The following EDN1 variants were observed in gnomAD, a reference collection of about 807,000 sequenced individuals.
The protein encoded by EDN1 is endothelin-1.
EDN1 carries 11 observed loss-of-function variants against 21.7 expected under a neutral mutation model. That is an observed-to-expected ratio of 0.51 (90% CI 0.32 to 0.84). The LOEUF (loss-of-function observed/expected upper bound fraction) is 0.84. Among genes scored for constraint, EDN1 ranks in the 40% least tolerant of loss-of-function variants. The pLI is 0.03. For missense variants in EDN1, 244 were observed against 262.3 expected (o/e 0.93, Z 0.48); for synonymous variants, 85 against 90.6 (o/e 0.94, Z 0.35).
At chr6:12,235,015 G>T in the EDN1 span, among the ~76,000 whole-genome samples, 1 of 152,220 alleles carries the variant, frequency 6.6e-6, no homozygotes. Flanking sequence ...TTCATTGTTT[G>T]AAGGGGAGGA....
chr6:12,288,501 C>T (rs958940702), upstream of EDN1, among the ~76,000 whole-genome samples: 10 of 151,412 alleles, frequency 6.6e-5, no homozygotes, highest in African/African-American at 2.5e-4. Flanking sequence ...CTGAGGTAAG[C>T]GCACAGCGGA....
the EDN1 span, among the ~76,000 whole-genome samples, chr6:12,253,585 A>T: frequency 6.6e-6 from 1 of 152,198 alleles, no homozygotes; most frequent in African/African-American, 2.4e-5. Context: ...AATTTCCAGG[A>T]ATTTACACAC....
the EDN1 span, among the ~76,000 whole-genome samples, chr6:12,239,688 T>C: frequency 6.6e-6 from 1 of 151,990 alleles, no homozygotes; most frequent in African/African-American, 2.4e-5. Context: ...GCAGGAGAAT[T>C]GCTTGAGCCC....
At chr6:12,238,128 C>T in the EDN1 span, among the ~76,000 whole-genome samples, 2,315 of 148,130 alleles carry the variant, frequency 0.016, 31 homozygotes, top group Non-Finnish European at 0.022. Context: ...GTTGAGATGG[C>T]GCCACTGCAC....
chr6:12,277,003 C>CTG, the EDN1 span, among the ~76,000 whole-genome samples: 1 of 152,154 alleles, frequency 6.6e-6, no homozygotes, highest in Non-Finnish European at 1.5e-5. Context: ...GGAACAGGGA[C>CTG]TTTGCTGTAA....
In EDN1 at chr6:12,290,512, T is replaced by C. The variant is rs1035814543; in HGVS notation, c.-118T>C. ...CTCCCCGTTAAAAGGGCACTTGGGCTGAAGGATCGCTTTGAGATCTGAGGA... is the reference window on the plus strand; with the variant it reads ...CTCCCCGTTAAAAGGGCACTTGGGCCGAAGGATCGCTTTGAGATCTGAGGA... On this transcript the variant is annotated 5_prime_UTR_variant, in exon 1 of 5. Transcript: ENST00000379375. 4.7e-6 allele frequency: 4 copies of C among 843,604 alleles called. No homozygotes were observed. The African/African-American group carries it at 6.7e-5, about 14-fold the overall frequency. 52.3% of individuals were successfully genotyped at this position (843,604 alleles called of 1,614,324 possible).
Position 12,296,036 on chromosome 6 carries a change from G to T in EDN1, c.608G>T (p.Arg203Leu). ...CTGAAAGGCAAGCCCTCCAGAGAGC[G>T]TTATGTGACCCACAACCGAGCACAT... is the stretch of plus-strand genomic sequence containing the variant. Reference protein sequence around the residue: ...PKLKGKPSRERYVTHNRAHW With the variant: ...PKLKGKPSRELYVTHNRAHW Residue 203 changes from arginine (R) to leucine (L), a missense_variant, in exon 5 of 5, where the codon CGT (arginine) becomes CTT (leucine). Arg to Leu is a moderately radical substitution (Grantham distance 102, BLOSUM62 -2). Transcript: ENST00000379375. 6.2e-7 allele frequency: 1 copy of T among 1,614,058 alleles called. No individual in the cohort carries two copies. The highest frequency in any genetic ancestry group is 1.3e-5 in the African/African-American group (1 of 75,042).
the EDN1 span, among the ~76,000 whole-genome samples, chr6:12,237,941 GGGAGGATCACTTGAGGTCA>G: frequency 7.7e-3 from 1,167 of 152,174 alleles, 21 homozygotes; most frequent in African/African-American, 0.027. Context: ...AGGCCGAGGT[GGGAGGATCACTTGAGGTCA>G]GGAGTTCAAG....
chr6:12,246,982 T>C, the EDN1 span, among the ~76,000 whole-genome samples: 1 of 152,240 alleles, frequency 6.6e-6, no homozygotes, highest in South Asian at 2.1e-4. Flanking sequence ...AGCTAGTGCA[T>C]AGAAGGTGCC....
At chr6:12,280,972 C>A in the EDN1 span, among the ~76,000 whole-genome samples, 2 of 152,164 alleles carry the variant, frequency 1.3e-5, no homozygotes, top group South Asian at 4.1e-4. Context: ...AGTAAAAATG[C>A]CTTTTTTCTC....
At chr6:12,286,493 T>C (rs1338542633), upstream of EDN1, among the ~76,000 whole-genome samples, 7 of 152,206 alleles carry the variant, frequency 4.6e-5, no homozygotes, top group Non-Finnish European at 8.8e-5. Flanking sequence ...GGCCTAGTGG[T>C]GTGGATAGCT....
chr6:12,231,588 C>A, the EDN1 span, among the ~76,000 whole-genome samples: 1 of 152,122 alleles, frequency 6.6e-6, no homozygotes, highest in African/African-American at 2.4e-5. Context: ...ATTTCAGTAG[C>A]TTTTTAGACA....
At position 12,292,363 on chromosome 6, in the gene EDN1, C is replaced by G. The variant is rs759759347; in HGVS notation, c.87C>G (p.Ser29Arg). The stretch of plus-strand genomic sequence containing the variant: ...CAGCAGTCTTAGGCGCTGAGCTCAG[C>G]GCGGTGGGTGAGAACGGCGGGGAGA... ...PETAVLGAEL[S>R]AVGENGGEKP... The change falls in exon 2 of 5, where the codon AGC becomes AGG. Residue 29 changes from serine to arginine, a missense_variant. Physicochemically the swap from Ser to Arg is moderately radical, Grantham distance 110. Transcript: ENST00000379375. 23 of 1,614,134 alleles carry G rather than the reference C, an allele frequency of 1.4e-5. No individual in the cohort carries two copies. The highest frequency in any genetic ancestry group is 3.3e-5 in the South Asian group (3 of 91,090).
the EDN1 span, among the ~76,000 whole-genome samples, chr6:12,236,774 T>A: frequency 2.6e-4 from 39 of 150,974 alleles, no homozygotes; most frequent in Admixed American, 4.6e-4. Flanking sequence ...ATTTCTTTTT[T>A]TTTTTTTGTT....
the EDN1 span, among the ~76,000 whole-genome samples, chr6:12,275,782 G>A: frequency 6.7e-6 from 1 of 148,450 alleles, no homozygotes; most frequent in Non-Finnish European, 1.5e-5. Flanking sequence ...AGAGGACTTG[G>A]TTTGTGTGTT....
chr6:12,282,852 G>T, the EDN1 span, among the ~76,000 whole-genome samples: 8 of 152,188 alleles, frequency 5.3e-5, no homozygotes, highest in Non-Finnish European at 1.2e-4. Context: ...CAAGTCACGT[G>T]TGAGAAAGAA....
the EDN1 span, among the ~76,000 whole-genome samples, chr6:12,231,396 A>G: frequency 1.3e-5 from 2 of 152,224 alleles, no homozygotes; most frequent in African/African-American, 4.8e-5. Context: ...TTGAAAAGCA[A>G]TGGAAAAGGA....
the EDN1 span, among the ~76,000 whole-genome samples, chr6:12,272,260 C>A: frequency 5.0e-3 from 766 of 152,042 alleles, 8 homozygotes; most frequent in African/African-American, 0.018. Flanking sequence ...CCAGGGCTAC[C>A]TTTTTAACTC....
At chr6:12,233,133 C>T in the EDN1 span, among the ~76,000 whole-genome samples, 3 of 152,200 alleles carry the variant, frequency 2.0e-5, no homozygotes, top group Non-Finnish European at 4.4e-5. Context: ...AAAAGCCTTT[C>T]AGTTGCCTTC....
Sources: allele counts gnomAD v4.1 joint callset (sites outside exome capture counted in the v4.1 genomes callset), GRCh38; gene constraint gnomAD v4.1.1; transcripts MANE v1.5; gene names NCBI Gene and HGNC (gene_info 2026-07-23, HGNC 2026-07-21).